Variants in CNGA1 observed in about 807,000 individuals in gnomAD.
CNGA1 encodes the protein cyclic nucleotide-gated channel alpha-1.
A neutral mutation model predicts 69.7 loss-of-function variants in CNGA1; 53 were observed. The observed-to-expected ratio is 0.76, with a 90% CI of 0.61 to 0.96. CNGA1 has a LOEUF of 0.96. Ranked by LOEUF, CNGA1 falls within the 40% of genes least tolerant of loss-of-function variation. The pLI is 0.00. For synonymous variants in CNGA1, 249 were observed against 283.5 expected, an observed-to-expected ratio of 0.88 and a Z score of 1.22; for missense variants, 739 against 811.2, an observed-to-expected ratio of 0.91 and a Z score of 1.08.
At chr4:47,978,997 C>T (rs1305382575) in intron 3 of CNGA1, among the ~76,000 whole-genome samples, 1 of 152,128 alleles carries the variant, frequency 6.6e-6, no homozygotes, top group Non-Finnish European at 1.5e-5. Flanking sequence ...TTGTCCCAGA[C>T]TATCAAGTAG....
At chr4:47,955,306 C>T (rs1183604905) in intron 3 of CNGA1, among the ~76,000 whole-genome samples, 1 of 151,634 alleles carries the variant, frequency 6.6e-6, no homozygotes, top group African/African-American at 2.4e-5. Context: ...TCTCAGCCTC[C>T]CAAGTAGCTG....
Position 47,973,998 on chromosome 4 carries a change from G to A in CNGA1, c.-15+7395C>T, listed in dbSNP as rs150008494. Among the ~76,000 whole-genome samples, 7 of 151,918 alleles carry A rather than the reference G, an allele frequency of 4.6e-5. No homozygotes were observed. In the East Asian group the frequency reaches 1.4e-3, roughly 29 times the overall value. Reference sequence around the variant, plus strand: ...TTTTGAGCCCAAGAGTTCGAGATCAGCCTGGGCAACATGGCGAAACCCCAT... The same window carrying A: ...TTTTGAGCCCAAGAGTTCGAGATCAACCTGGGCAACATGGCGAAACCCCAT... On this transcript the variant is annotated intron_variant, in intron 3 of 10. Coordinates refer to ENST00000514170, the MANE Select transcript of CNGA1 (RefSeq NM_001379270.1).
At chr4:47,989,014 G>A (rs552047714) in intron 2 of CNGA1, among the ~76,000 whole-genome samples, 1 of 152,210 alleles carries the variant, frequency 6.6e-6, no homozygotes, top group African/African-American at 2.4e-5. Context: ...GCTAGACACT[G>A]GGCAAGGGAG....
chr4:47,995,268 T>C (rs1420257689), intron 2 of CNGA1, among the ~76,000 whole-genome samples: 3 of 152,210 alleles, frequency 2.0e-5, no homozygotes, highest in Non-Finnish European at 2.9e-5. Flanking sequence ...CTCCCAAATA[T>C]GTTTTCCAAA....
intron 3 of CNGA1, among the ~76,000 whole-genome samples, chr4:47,967,907 G>T (rs969103220): frequency 3.9e-5 from 6 of 152,106 alleles, no homozygotes; most frequent in Admixed American, 3.9e-4. Context: ...GAACCGGGGA[G>T]GTGGAGGTTG....
At chr4:47,943,480 T>C (rs1739219306) in intron 6 of CNGA1, 68 bp from the exon 7 acceptor site, 1 of 1,029,488 alleles carries the variant, frequency 9.7e-7, no homozygotes, top group South Asian at 1.8e-5. Flanking sequence ...TTCTTTTTCA[T>C]TGAGCAAAAA....
chr4:47,991,074 T>C (rs1012848135), intron 2 of CNGA1, among the ~76,000 whole-genome samples: 3 of 152,228 alleles, frequency 2.0e-5, no homozygotes, highest in Non-Finnish European at 4.4e-5. Flanking sequence ...GCATTTGGAC[T>C]GATTCTATGT....
intron 3 of CNGA1, among the ~76,000 whole-genome samples, chr4:47,972,602 C>T (rs1208448801): frequency 6.6e-6 from 1 of 152,198 alleles, no homozygotes; most frequent in Non-Finnish European, 1.5e-5. Context: ...TTTTGATTCA[C>T]ATTTACTAGT....
chr4:47,941,982 A>G, intron 9 of CNGA1, 59 bp downstream of exon 9: 1 of 1,059,970 alleles, frequency 9.4e-7, no homozygotes, highest in South Asian at 1.3e-5. Flanking sequence ...TAGTCAGTGA[A>G]CTTGGAAACT....
intron 2 of CNGA1, among the ~76,000 whole-genome samples, chr4:47,992,652 CA>C (rs1742318308): frequency 1.7e-5 from 2 of 118,740 alleles, no homozygotes; most frequent in Non-Finnish European, 3.8e-5. Flanking sequence ...ATTTGGATGC[CA>C]TTTATTATTT....
In CNGA1 at chr4:47,936,286, T is replaced by G; in HGVS notation, c.*135A>C. ...TCAGAGAGGGTGTGGGCCTTGTACC[T>G]TGCACCAAAGCACATTTTCCTCATG... On this transcript the variant is annotated 3_prime_UTR_variant, in exon 11 of 11. Transcript: ENST00000514170. The G allele has an allele frequency of 1.1e-6, 1 of 892,664 alleles. No homozygotes were observed. Among genetic ancestry groups the G allele is most frequent in the Middle Eastern group, 3.0e-4 (1 of 3,330 alleles). 55.3% of individuals were successfully genotyped at this position (892,664 alleles called of 1,614,324 possible).
Position 47,942,156 on chromosome 4 carries a change from C to T in CNGA1, c.438-8G>A. On this transcript the variant is annotated splice_polypyrimidine_tract_variant and splice_region_variant and intron_variant, in intron 8 of 10. Transcript: ENST00000514170. ...ACAACTTCTTTCTTCTCCCTAGCGG[C>T]AATTAGAAATAAAGGGGATAGTTAC... 1 of 1,560,826 alleles carries T rather than the reference C, an allele frequency of 6.4e-7. No individual in the cohort carries two copies. The highest frequency in any genetic ancestry group is 1.1e-5 in the South Asian group (1 of 89,944).
chr4:48,006,726 A>C (rs1714935598), intron 2 of CNGA1, among the ~76,000 whole-genome samples: 1 of 152,060 alleles, frequency 6.6e-6, no homozygotes, highest in African/African-American at 2.4e-5. Flanking sequence ...GGTTCAAGTG[A>C]TTCTCCTGCC....
At chr4:47,992,006 A>G (rs1742291204) in intron 2 of CNGA1, among the ~76,000 whole-genome samples, 1 of 152,074 alleles carries the variant, frequency 6.6e-6, no homozygotes, top group South Asian at 2.1e-4. Context: ...TGGGTTTTCT[A>G]TTCTGTTCCA....
intron 3 of CNGA1, among the ~76,000 whole-genome samples, chr4:47,965,632 G>A (rs1415412370): frequency 6.6e-6 from 1 of 151,912 alleles, no homozygotes; most frequent in Non-Finnish European, 1.5e-5. Flanking sequence ...TCACCATGTT[G>A]GCCAGGCTGG....
At chr4:48,003,344 G>T (rs977771318) in intron 2 of CNGA1, among the ~76,000 whole-genome samples, 2 of 152,172 alleles carry the variant, frequency 1.3e-5, no homozygotes, top group African/African-American at 4.8e-5. Context: ...GCAGAGGGCT[G>T]ACTTTGAATA....
chr4:47,965,162 C>G (rs953990313), intron 3 of CNGA1, among the ~76,000 whole-genome samples: 1 of 152,016 alleles, frequency 6.6e-6, no homozygotes, highest in Non-Finnish European at 1.5e-5. Context: ...CCAGTATGGT[C>G]CTTGGCTTTA....
chr4:47,971,168 T>TTGTGTGTGTGTG (rs34771990), intron 3 of CNGA1: 26 of 385,718 alleles, frequency 6.7e-5, no homozygotes, highest in African/African-American at 4.4e-4. Flanking sequence ...ATATCTATAT[T>TTGTGTGTGTGTG]TGTGTGTGTG....
intron 6 of CNGA1, among the ~76,000 whole-genome samples, chr4:47,943,889 T>C (rs1256307536): frequency 6.6e-6 from 1 of 152,226 alleles, no homozygotes; most frequent in Non-Finnish European, 1.5e-5. Flanking sequence ...TGTCTGGTAA[T>C]ATGGTGGAAT....
Sources: allele counts gnomAD v4.1 joint callset (sites outside exome capture counted in the v4.1 genomes callset), GRCh38; gene constraint gnomAD v4.1.1; transcripts MANE v1.5; gene names NCBI Gene and HGNC (gene_info 2026-07-23, HGNC 2026-07-21).